DSN1: variants seen among roughly 807,000 people sequenced by gnomAD.
DSN1 encodes DSN1 component of MIS12 kinetochore complex.
In DSN1, 31 loss-of-function variants were observed where a neutral mutation model predicts 45.7. The observed-to-expected ratio is 0.68, with a 90% CI of 0.51 to 0.92. The LOEUF (loss-of-function observed/expected upper bound fraction) is 0.92, where lower values mean the gene tolerates loss of function less well. Among genes scored for constraint, DSN1 ranks in the 40% least tolerant of loss-of-function variants. The pLI, the probability that DSN1 is intolerant of heterozygous loss-of-function variation, is 0.00. For synonymous variants in DSN1, 134 were observed against 142.3 expected, an observed-to-expected ratio of 0.94 and a Z score of 0.41; for missense variants, 394 against 414.2, an observed-to-expected ratio of 0.95 and a Z score of 0.42.
intron 6 of DSN1, among the ~76,000 whole-genome samples, chr20:36,761,602 T>G (rs1051307780): frequency 6.6e-6 from 1 of 152,122 alleles, no homozygotes; most frequent in Non-Finnish European, 1.5e-5. Context: ...GGCTCATGCC[T>G]GTAATCCCAG....
Position 36,755,789 on chromosome 20 carries a change from G to A in DSN1, c.766C>T (p.Pro256Ser). 1 of 1,613,960 alleles carries A rather than the reference G, an allele frequency of 6.2e-7. No homozygotes were observed. Among genetic ancestry groups the A allele is most frequent in the Non-Finnish European group, 8.5e-7 (1 of 1,179,982 alleles). Residue 256 changes from proline to serine, a missense_variant, in exon 9 of 11, where the codon CCT (proline) becomes TCT (serine). Coordinates refer to ENST00000373750, the MANE Select transcript of DSN1 (RefSeq NM_001145315.2). ...EAKITEVKVE[P>S]MTYLGSSQNE... ...TGAGAAGACCCAAGATATGTCATAG[G>A]TTCCACTTTGACCTCAGTAATTTTG... is the stretch of plus-strand genomic sequence containing the variant.
intron 4 of DSN1, among the ~76,000 whole-genome samples, chr20:36,767,371 T>G (rs370396383): frequency 1.3e-4 from 19 of 151,676 alleles, no homozygotes; most frequent in African/African-American, 4.3e-4. Flanking sequence ...CTACAGATTT[T>G]GACTTTCGGT....
At chr20:36,760,193 G>A (rs1986899276) in intron 6 of DSN1, among the ~76,000 whole-genome samples, 1 of 151,726 alleles carries the variant, frequency 6.6e-6, no homozygotes, top group African/African-American at 2.4e-5. Context: ...GCAGTGAGCT[G>A]AGATCGTGCC....
intron 8 of DSN1, among the ~76,000 whole-genome samples, chr20:36,756,748 G>T (rs1332716204): frequency 6.6e-6 from 1 of 152,200 alleles, no homozygotes; most frequent in African/African-American, 2.4e-5. Flanking sequence ...GTTAGAGTCT[G>T]AACAGACAGT....
chr20:36,769,814 C>T (rs1477955045), intron 3 of DSN1, among the ~76,000 whole-genome samples: 1 of 151,362 alleles, frequency 6.6e-6, no homozygotes, highest in Non-Finnish European at 1.5e-5. Flanking sequence ...TACTTTGATG[C>T]TAAGATATAG....
rs577048905 is a variant in DSN1, at chr20:36,768,415, C to T, written c.356-373G>A. 1.2e-3 allele frequency among the ~76,000 whole-genome samples: 183 copies of T among 152,176 alleles called. 2 individuals are homozygous for T. The highest frequency in any genetic ancestry group is 0.01 in the Middle Eastern group (3 of 294). The stretch of plus-strand genomic sequence containing the variant: ...AAAATTAGCCAGGAGTGGTGGCATG[C>T]GCCTGTAATCCCAGCTACTCCAGAG... On this transcript the variant is annotated intron_variant, in intron 3 of 10. Transcript: ENST00000373750.
At chr20:36,762,195 A>C (rs1197959057) in intron 6 of DSN1, among the ~76,000 whole-genome samples, 1 of 140,766 alleles carries the variant, frequency 7.1e-6, no homozygotes, top group Non-Finnish European at 1.5e-5. Flanking sequence ...CAAGCTCCGC[A>C]TACCGGGTTC....
At chr20:36,762,951 AC>A (rs1417428833) in intron 5 of DSN1, among the ~76,000 whole-genome samples, 1 of 152,136 alleles carries the variant, frequency 6.6e-6, no homozygotes, top group South Asian at 2.1e-4. Flanking sequence ...ATGGGGTTTT[AC>A]CATGTTGTCT....
Position 36,757,438 on chromosome 20 carries a change from G to A in DSN1, c.725+649C>T, listed in dbSNP as rs116505782. On this transcript the variant is annotated intron_variant, in intron 8 of 10. Transcript: ENST00000373750. ...TACTAAAAATACAAAAATTAGCCAC[G>A]CATCATGGCAGACACCTGTAGTCCC... is the stretch of plus-strand genomic sequence containing the variant. 6.5e-3 allele frequency among the ~76,000 whole-genome samples: 988 copies of A among 152,162 alleles called. 17 individuals are homozygous for A. Among genetic ancestry groups the A allele is most frequent in the African/African-American group, 0.023 (949 of 41,490 alleles).
chr20:36,770,758 C>A (rs375257056), intron 3 of DSN1, 115 bp downstream of exon 3: 2 of 1,164,808 alleles, frequency 1.7e-6, no homozygotes, highest in African/African-American at 3.1e-5. Flanking sequence ...TATAAAGTAG[C>A]AAGTCATGTC....
At chr20:36,761,201 T>G (rs1986961266) in intron 6 of DSN1, among the ~76,000 whole-genome samples, 1 of 152,200 alleles carries the variant, frequency 6.6e-6, no homozygotes, top group African/African-American at 2.4e-5. Context: ...GGCTGGTTCC[T>G]TCTCACCATT....
chr20:36,772,468 T>C (rs911189027), intron 1 of DSN1, among the ~76,000 whole-genome samples: 1 of 152,004 alleles, frequency 6.6e-6, no homozygotes, highest in Non-Finnish European at 1.5e-5. Context: ...TTTGTATTTT[T>C]AGTAGCGATG....
chr20:36,755,116 T>G (rs775706803), intron 9 of DSN1, among the ~76,000 whole-genome samples: 1 of 152,102 alleles, frequency 6.6e-6, no homozygotes, highest in Non-Finnish European at 1.5e-5. Context: ...TTGAGTTGGC[T>G]CAACTCAGCT....
chr20:36,760,706 G>A (rs947478487), intron 6 of DSN1, among the ~76,000 whole-genome samples: 2 of 152,040 alleles, frequency 1.3e-5, no homozygotes, highest in African/African-American at 2.4e-5. Context: ...TAGACAATAC[G>A]GTGAAACCCT....
intron 6 of DSN1, among the ~76,000 whole-genome samples, chr20:36,760,620 G>A (rs948404764): frequency 1.3e-5 from 2 of 152,190 alleles, no homozygotes; most frequent in Non-Finnish European, 2.9e-5. Context: ...CGGTGTGGTG[G>A]TTCACGCCTC....
intron 4 of DSN1, among the ~76,000 whole-genome samples, chr20:36,767,220 T>C (rs1987391657): frequency 6.6e-6 from 1 of 151,900 alleles, no homozygotes; most frequent in African/African-American, 2.4e-5. Flanking sequence ...GGCGGTAGAA[T>C]CGCTTGAACC....
intron 9 of DSN1, among the ~76,000 whole-genome samples, 194 bp downstream of exon 9, chr20:36,755,488 C>A (rs1390465949): frequency 6.6e-6 from 1 of 152,010 alleles, no homozygotes; most frequent in Non-Finnish European, 1.5e-5. Flanking sequence ...TCTCTCTTAC[C>A]CTGCTTCATC....
intron 4 of DSN1, among the ~76,000 whole-genome samples, chr20:36,767,295 G>A (rs1482817409): frequency 1.3e-5 from 2 of 151,658 alleles, no homozygotes; most frequent in East Asian, 3.9e-4. Context: ...GACAGAGCAA[G>A]ACTCCGTCTC....
At position 36,766,887 on chromosome 20, in the gene DSN1, G is replaced by T. The variant is rs745932092; in HGVS notation, c.430-46C>A. 5 of 1,356,284 alleles carry T rather than the reference G, an allele frequency of 3.7e-6. No homozygotes were observed. In the South Asian group the frequency reaches 6.4e-5, roughly 17 times the overall value. The allele number at this position is 1,356,284 out of a possible 1,614,324, so 84.0% of individuals were successfully genotyped here. On this transcript the variant is annotated intron_variant, in intron 4 of 10. Transcript: ENST00000373750. ...TTAGTACAACCACCAAAAACTTCCAGGCCAGTCCTAAATTTATGTCATTTT... is the reference window on the plus strand; with the variant it reads ...TTAGTACAACCACCAAAAACTTCCATGCCAGTCCTAAATTTATGTCATTTT...
Sources: allele counts gnomAD v4.1 joint callset (sites outside exome capture counted in the v4.1 genomes callset), GRCh38; gene constraint gnomAD v4.1.1; transcripts MANE v1.5; gene names NCBI Gene and HGNC (gene_info 2026-07-23, HGNC 2026-07-21).